REEP5: variants seen among roughly 807,000 people sequenced by gnomAD.
REEP5 encodes receptor expression-enhancing protein 5.
Under a neutral mutation model 22.4 loss-of-function variants are expected in REEP5, and 24 were observed. The observed-to-expected ratio is 1.07, with a 90% confidence interval of 0.78 to 1.51. The LOEUF (loss-of-function observed/expected upper bound fraction) is 1.51, where lower values mean the gene tolerates loss of function less well. Among genes scored for constraint, REEP5 ranks in the 40% most tolerant of loss-of-function variants. The pLI is 0.00. For synonymous variants in REEP5, 103 were observed against 88.6 expected, an observed-to-expected ratio of 1.16 and a Z score of -0.92; for missense variants, 252 against 233.0, an observed-to-expected ratio of 1.08 and a Z score of -0.53.
At chr5:112,895,428 T>C (rs1768652862) in intron 3 of REEP5, 1 of 152,122 alleles carries the variant, frequency 6.6e-6, no homozygotes, top group Admixed American at 6.5e-5. Flanking sequence ...ATCTCTGAAA[T>C]ATTACCTGCC....
chr5:112,902,439 T>C lies in REEP5; in HGVS notation c.292A>G (p.Ile98Val), dbSNP rs1179806399. ...AAGATATCAGAGAAGAATTCAGCAATGCTGAACACACCATACACTACCCAG... is the reference window on the plus strand; with the variant it reads ...AAGATATCAGAGAAGAATTCAGCAACGCTGAACACACCATACACTACCCAG... ...TYWVVYGVFS[I>V]AEFFSDIFLS... Residue 98 changes from isoleucine (I) to valine (V), a missense_variant, in exon 3 of 5, where the codon ATT (isoleucine) becomes GTT (valine). Physicochemically the swap from Ile to Val is conservative, Grantham distance 29. Transcript: ENST00000379638. The C allele has an allele frequency of 6.2e-7, 1 of 1,613,622 alleles. No homozygotes were observed. Among genetic ancestry groups the C allele is most frequent in the Non-Finnish European group, 8.5e-7 (1 of 1,179,866 alleles).
chr5:112,921,307 G>T, intron 1 of REEP5, 51 bp from the exon 2 acceptor site: 1 of 1,569,324 alleles, frequency 6.4e-7, no homozygotes, highest in Non-Finnish European at 8.7e-7. Context: ...AGCCGTTCAC[G>T]CGGGACAGCC....
intron 4 of REEP5, among the ~76,000 whole-genome samples, chr5:112,883,599 A>T (rs546357969): frequency 1.3e-5 from 2 of 152,098 alleles, no homozygotes; most frequent in South Asian, 4.2e-4. Context: ...TACCTTCGTG[A>T]TCTCATCTAG....
chr5:112,893,472 T>C (rs466443), intron 3 of REEP5: 91,876 of 159,684 alleles, frequency 0.58, 27,315 homozygotes, highest in African/African-American at 0.68. Flanking sequence ...GACCATTCAA[T>C]CCAATGGGAT....
At chr5:112,921,032 T>G (rs1330440491) in intron 2 of REEP5, 131 bp downstream of exon 2, 47 of 818,350 alleles carry the variant, frequency 5.7e-5, no homozygotes, top group Non-Finnish European at 8.8e-5. Context: ...CCACCCCTTA[T>G]GTCCAACCTC....
chr5:112,902,927 T>C (rs1279107824), intron 2 of REEP5, among the ~76,000 whole-genome samples: 2 of 152,190 alleles, frequency 1.3e-5, no homozygotes, highest in Non-Finnish European at 2.9e-5. Context: ...ATAATTGAGA[T>C]ATATCATGGG....
chr5:112,892,497 A>T, intron 3 of REEP5: 1 of 1,614,228 alleles, frequency 6.2e-7, no homozygotes, highest in Non-Finnish European at 8.5e-7. Context: ...AAGAATGCCA[A>T]GCAGCCCTTT....
intron 2 of REEP5, among the ~76,000 whole-genome samples, chr5:112,906,025 C>A (rs1768950181): frequency 6.6e-6 from 1 of 152,156 alleles, no homozygotes; most frequent in Non-Finnish European, 1.5e-5. Context: ...GAATCATATT[C>A]CAACTTGGTG....
chr5:112,922,119 G>A lies in REEP5; in HGVS notation c.72C>T (p.Ala24=), dbSNP rs1769387611. ...TCACGCCGGTTTTGGCCTCGAGCTT[G>A]GCCAGAAGGTCAGTCATGCAGTTCT... ...HEKNCMTDLL[A]KLEAKTGVNR... Residue 24 remains alanine (A), a synonymous_variant, in exon 1 of 5, where the codon GCC becomes GCT. Coordinates refer to ENST00000379638, the MANE Select transcript of REEP5 (RefSeq NM_005669.5). 4 of 1,605,666 alleles carry A rather than the reference G, an allele frequency of 2.5e-6. No individual in the cohort carries two copies. The highest frequency in any genetic ancestry group is 2.6e-6 in the Non-Finnish European group (3 of 1,176,256).
intron 2 of REEP5, among the ~76,000 whole-genome samples, chr5:112,918,453 A>G (rs912652209): frequency 1.3e-5 from 2 of 152,156 alleles, no homozygotes; most frequent in Non-Finnish European, 2.9e-5. Flanking sequence ...TCATCTTTGC[A>G]TCCTGCAGTC....
intron 4 of REEP5, among the ~76,000 whole-genome samples, chr5:112,880,455 G>C (rs1479719305): frequency 6.6e-6 from 1 of 151,258 alleles, no homozygotes; most frequent in Non-Finnish European, 1.5e-5. Context: ...TTAGTGATGA[G>C]AGCCAAGGAG....
intron 3 of REEP5, chr5:112,895,638 C>T (rs921968288): frequency 6.6e-6 from 1 of 152,200 alleles, no homozygotes; most frequent in African/African-American, 2.4e-5. Context: ...ACATCCTTAG[C>T]ATTTTCCTGT....
At chr5:112,916,309 G>A (rs1390995271) in intron 2 of REEP5, among the ~76,000 whole-genome samples, 1 of 152,012 alleles carries the variant, frequency 6.6e-6, no homozygotes, top group African/African-American at 2.4e-5. Flanking sequence ...ACCTCGATAG[G>A]GGTCATCCCC....
intron 3 of REEP5, chr5:112,892,759 C>CA (rs773392590): frequency 5.6e-6 from 9 of 1,613,820 alleles, no homozygotes; most frequent in Non-Finnish European, 7.6e-6. Flanking sequence ...GAAGATGGGC[C>CA]ACCACGACCA....
At chr5:112,898,968 G>A (rs1028390005) in intron 3 of REEP5, among the ~76,000 whole-genome samples, 1 of 152,120 alleles carries the variant, frequency 6.6e-6, no homozygotes, top group Non-Finnish European at 1.5e-5. Flanking sequence ...AATCTATACT[G>A]AGCATGTTTT....
At chr5:112,915,862 C>G (rs1458017667) in intron 2 of REEP5, among the ~76,000 whole-genome samples, 1 of 116,696 alleles carries the variant, frequency 8.6e-6, no homozygotes, top group Non-Finnish European at 1.8e-5. Flanking sequence ...TAAAAAAGAA[C>G]AAAACATAAT....
At chr5:112,887,443 AACTTGG>A (rs1768292749) in intron 3 of REEP5, among the ~76,000 whole-genome samples, 1 of 152,230 alleles carries the variant, frequency 6.6e-6, no homozygotes, top group Admixed American at 6.5e-5. Flanking sequence ...CTATCTTCCT[AACTTGG>A]ACCACGTTTT....
intron 2 of REEP5, among the ~76,000 whole-genome samples, chr5:112,919,990 G>A (rs927762710): frequency 5.3e-5 from 8 of 152,042 alleles, no homozygotes; most frequent in African/African-American, 1.9e-4. Context: ...ATGTAACACC[G>A]ACCGCCTGAA....
chr5:112,908,169 C>T (rs868812655), intron 2 of REEP5, among the ~76,000 whole-genome samples: 5 of 145,856 alleles, frequency 3.4e-5, no homozygotes, highest in Non-Finnish European at 7.4e-5. Flanking sequence ...GGCACGATCT[C>T]GGCTCACTGC....
Sources: allele counts gnomAD v4.1 joint callset (sites outside exome capture counted in the v4.1 genomes callset), GRCh38; gene constraint gnomAD v4.1.1; transcripts MANE v1.5; gene names NCBI Gene and HGNC (gene_info 2026-07-23, HGNC 2026-07-21).